Variants in UNC5C observed in about 807,000 individuals in gnomAD.
UNC5C encodes the protein netrin receptor UNC5C.
In UNC5C, 47 loss-of-function variants were observed where a neutral mutation model predicts 99.8. The observed-to-expected ratio is 0.47, with a 90% CI of 0.37 to 0.60. The LOEUF is 0.60. UNC5C is among the 20% of genes least tolerant of loss of function. The pLI, the probability that UNC5C is intolerant of heterozygous loss-of-function variation, is 0.00. For synonymous variants in UNC5C, 487 were observed against 452.2 expected (o/e 1.08, Z -0.98); for missense variants, 1,062 against 1,165.9 (o/e 0.91, Z 1.30).
intron 7 of UNC5C, among the ~76,000 whole-genome samples, chr4:95,227,839 G>C (rs1738754677): frequency 6.6e-6 from 1 of 152,174 alleles, no homozygotes; most frequent in African/African-American, 2.4e-5. Context: ...ATTCATATTT[G>C]TGTTTACTGT....
intron 12 of UNC5C, among the ~76,000 whole-genome samples, chr4:95,200,630 T>C (rs1273763849): frequency 6.6e-6 from 1 of 152,230 alleles, no homozygotes; most frequent in Non-Finnish European, 1.5e-5. Flanking sequence ...CTCAGTCATC[T>C]TGATTATTTT....
chr4:95,225,157 A>G (rs987976324), intron 7 of UNC5C, among the ~76,000 whole-genome samples: 1 of 152,160 alleles, frequency 6.6e-6, no homozygotes, highest in Non-Finnish European at 1.5e-5. Flanking sequence ...CCCGGGTTCA[A>G]GCGATTCTCC....
At chr4:95,236,981 C>G (rs995725087) in intron 7 of UNC5C, among the ~76,000 whole-genome samples, 3 of 152,186 alleles carry the variant, frequency 2.0e-5, no homozygotes, top group African/African-American at 7.2e-5. Context: ...TCAGAGATTG[C>G]TCAAGTCCCT....
At chr4:95,533,789 G>A (rs113809103) in intron 1 of UNC5C, among the ~76,000 whole-genome samples, 137 of 152,254 alleles carry the variant, frequency 9.0e-4, no homozygotes, top group African/African-American at 3.2e-3. Context: ...TTTGAGAGGC[G>A]TGTTTTTATT....
rs762241131 is a variant in UNC5C at position 95,182,820 on chromosome 4, T to C, written c.2451+77A>G. On this transcript the variant is annotated intron_variant, in intron 14 of 15. Transcript: ENST00000453304. ...ACTTCCCATATGGACTATGTTGAGA[T>C]ACCCTTTTAGCCCACACACTCTGTC... The C allele has an allele frequency of 3.7e-4, 556 of 1,487,542 alleles. 3 individuals carry two copies. The highest frequency in any genetic ancestry group is 1.1e-3 in the Middle Eastern group (5 of 4,356). 92.1% of individuals were successfully genotyped at this position (1,487,542 alleles called of 1,614,324 possible).
intron 1 of UNC5C, among the ~76,000 whole-genome samples, chr4:95,540,414 C>A (rs1277484678): frequency 6.6e-6 from 1 of 152,266 alleles, no homozygotes; most frequent in East Asian, 1.9e-4. Flanking sequence ...TGTTTTCCAC[C>A]ACCCTGCATG....
At chr4:95,510,424 T>C (rs1722040006) in intron 1 of UNC5C, among the ~76,000 whole-genome samples, 1 of 148,362 alleles carries the variant, frequency 6.7e-6, no homozygotes, top group South Asian at 2.1e-4. Flanking sequence ...CTAATAATCA[T>C]TCTTTTTTTC....
At chr4:95,537,520 C>T (rs931333860) in intron 1 of UNC5C, among the ~76,000 whole-genome samples, 2 of 152,100 alleles carry the variant, frequency 1.3e-5, no homozygotes, top group African/African-American at 4.8e-5. Context: ...GAACACTGTC[C>T]TAGAGAATAT....
intron 1 of UNC5C, among the ~76,000 whole-genome samples, chr4:95,408,523 A>T (rs887636919): frequency 1.3e-5 from 2 of 152,296 alleles, no homozygotes; most frequent in Non-Finnish European, 1.5e-5. Context: ...TTCTAAGGGA[A>T]ATCTTCCTCT....
chr4:95,347,205 G>A (rs13108117), intron 1 of UNC5C, among the ~76,000 whole-genome samples: 57,442 of 151,778 alleles, frequency 0.38, 12,468 homozygotes, highest in East Asian at 0.73. Flanking sequence ...ATTAATTAAA[G>A]AAGTGAAATA....
intron 14 of UNC5C, among the ~76,000 whole-genome samples, chr4:95,176,672 G>A (rs983995947): frequency 2.3e-4 from 35 of 152,246 alleles, no homozygotes; most frequent in Non-Finnish European, 4.4e-4. Context: ...ATTTAAGTCT[G>A]CAGAGGTTAC....
chr4:95,217,941 A>G (rs1413074076), intron 9 of UNC5C, among the ~76,000 whole-genome samples: 2 of 152,206 alleles, frequency 1.3e-5, no homozygotes, highest in African/African-American at 4.8e-5. Context: ...AGAAAAAAAT[A>G]TTTTATTAAA....
At chr4:95,407,658 T>C (rs1281313182) in intron 1 of UNC5C, among the ~76,000 whole-genome samples, 2 of 152,188 alleles carry the variant, frequency 1.3e-5, no homozygotes, top group African/African-American at 4.8e-5. Flanking sequence ...AGAGACAAGT[T>C]ATTAACTTCA....
At chr4:95,473,619 C>G (rs1321029810) in intron 1 of UNC5C, among the ~76,000 whole-genome samples, 2 of 152,040 alleles carry the variant, frequency 1.3e-5, no homozygotes, top group Admixed American at 6.6e-5. Flanking sequence ...GTGTGTTATT[C>G]TTAAGTATCT....
intron 12 of UNC5C, among the ~76,000 whole-genome samples, chr4:95,196,820 T>TA (rs1167981098): frequency 0.29 from 180 of 612 alleles, 3 homozygotes; most frequent in South Asian, 0.35. Context: ...ATAATATATA[T>TA]TTATATATTA....
intron 2 of UNC5C, among the ~76,000 whole-genome samples, chr4:95,320,725 G>A (rs551394599): frequency 2.0e-4 from 30 of 152,276 alleles, no homozygotes; most frequent in Middle Eastern, 6.8e-3. Flanking sequence ...TAGCCTCTGC[G>A]TGGGCCTGAG....
At chr4:95,234,639 G>C (rs1194547182) in intron 7 of UNC5C, among the ~76,000 whole-genome samples, 1 of 152,084 alleles carries the variant, frequency 6.6e-6, no homozygotes, top group Non-Finnish European at 1.5e-5. Flanking sequence ...GATTCTGATG[G>C]CTTCTAATTA....
chr4:95,429,278 C>CTT (rs1431128714), intron 1 of UNC5C, among the ~76,000 whole-genome samples: 1 of 28,662 alleles, frequency 3.5e-5, no homozygotes, highest in South Asian at 7.7e-4. Flanking sequence ...CTTAGTGATT[C>CTT]TTAAAAAAAA....
At chr4:95,266,944 C>T (rs753114327) in intron 4 of UNC5C, among the ~76,000 whole-genome samples, 1 of 152,106 alleles carries the variant, frequency 6.6e-6, no homozygotes, top group Non-Finnish European at 1.5e-5. Context: ...CATTCACTCC[C>T]CTCTCATCTT....
Sources: gnomAD v4.1 joint callset for allele counts (sites outside exome capture counted in the v4.1 genomes callset) on GRCh38, gnomAD v4.1.1 for gene constraint, MANE v1.5 for transcripts, NCBI Gene and HGNC (gene_info 2026-07-23, HGNC 2026-07-21) for gene names.